SGCZ: variants seen among roughly 807,000 people sequenced by gnomAD.
SGCZ encodes zeta-sarcoglycan.
Under a neutral mutation model 41.3 loss-of-function variants are expected in SGCZ, and 40 were observed. The observed-to-expected ratio is 0.97, with a 90% CI of 0.75 to 1.26. SGCZ has a LOEUF of 1.26. Among genes scored for constraint, SGCZ ranks in the 50% most tolerant of loss-of-function variants. The pLI is 0.00. For missense variants in SGCZ, 552 were observed against 369.8 expected (o/e 1.49, Z -4.04); for synonymous variants, 206 against 137.5 (o/e 1.50, Z -3.49).
intron 3 of SGCZ, among the ~76,000 whole-genome samples, chr8:14,308,079 T>C (rs1442921547): frequency 2.0e-5 from 3 of 152,084 alleles, no homozygotes; most frequent in African/African-American, 7.2e-5. Flanking sequence ...TAAAGATTAT[T>C]CATTTTGTCA....
At chr8:14,435,771 G>A (rs959023117) in intron 2 of SGCZ, among the ~76,000 whole-genome samples, 5 of 152,132 alleles carry the variant, frequency 3.3e-5, no homozygotes, top group Admixed American at 6.5e-5. Context: ...CTGCAAATAC[G>A]TGAACTTGTT....
At chr8:14,795,232 T>C (rs1801085271) in intron 1 of SGCZ, among the ~76,000 whole-genome samples, 1 of 152,198 alleles carries the variant, frequency 6.6e-6, no homozygotes, top group South Asian at 2.1e-4. Context: ...GACTAAAGCA[T>C]ACATATGTAT....
chr8:15,126,085 G>T (rs1807670346), intron 1 of SGCZ, among the ~76,000 whole-genome samples: 1 of 152,214 alleles, frequency 6.6e-6, no homozygotes, highest in African/African-American at 2.4e-5. Context: ...GGCGGAGGCT[G>T]CAGTGAGCCA....
chr8:14,562,489 A>C (rs1250725716), intron 1 of SGCZ, among the ~76,000 whole-genome samples: 4 of 152,198 alleles, frequency 2.6e-5, no homozygotes, highest in Non-Finnish European at 4.4e-5. Context: ...AATTAGTGAT[A>C]GATATTACAA....
At chr8:15,009,523 G>A (rs760356118) in intron 1 of SGCZ, among the ~76,000 whole-genome samples, 27 of 152,254 alleles carry the variant, frequency 1.8e-4, no homozygotes, top group Non-Finnish European at 3.4e-4. Context: ...TCTCATTATA[G>A]AATGAGGAAA....
chr8:14,574,569 C>G (rs1044790671), intron 1 of SGCZ, among the ~76,000 whole-genome samples: 25 of 152,188 alleles, frequency 1.6e-4, no homozygotes, highest in African/African-American at 5.8e-4. Context: ...CTGTTGCCAT[C>G]AGCTCAAACC....
intron 1 of SGCZ, among the ~76,000 whole-genome samples, chr8:14,901,465 A>G (rs1798966558): frequency 6.6e-6 from 1 of 152,152 alleles, no homozygotes; most frequent in Non-Finnish European, 1.5e-5. Context: ...TTTTCCTTTC[A>G]CAGTACAGCA....
At chr8:14,142,787 G>T (rs1250716106) in intron 5 of SGCZ, among the ~76,000 whole-genome samples, 1 of 152,054 alleles carries the variant, frequency 6.6e-6, no homozygotes, top group Non-Finnish European at 1.5e-5. Flanking sequence ...CATCCCTGTT[G>T]TGAGTTCTTG....
At chr8:14,838,759 T>G (rs1802793873) in intron 1 of SGCZ, among the ~76,000 whole-genome samples, 3 of 152,184 alleles carry the variant, frequency 2.0e-5, no homozygotes, top group Non-Finnish European at 4.4e-5. Flanking sequence ...CTTTGTTTTC[T>G]TGTGCCTCCC....
At chr8:14,156,164 A>G (rs145501790) in intron 5 of SGCZ, among the ~76,000 whole-genome samples, 1 of 152,216 alleles carries the variant, frequency 6.6e-6, no homozygotes, top group Non-Finnish European at 1.5e-5. Flanking sequence ...GGCGACGCTG[A>G]ATTTATTTAA....
rs1801648452 is a variant in SGCZ, at chr8:14,090,356, G to C, written c.*87C>G. The C allele has an allele frequency of 7.0e-7, 1 of 1,430,068 alleles. No individual in the cohort carries two copies. Among genetic ancestry groups the C allele is most frequent in the Non-Finnish European group, 9.5e-7 (1 of 1,054,878 alleles). The allele number at this position is 1,430,068 out of a possible 1,614,324, so 88.6% of individuals were successfully genotyped here. A position where few individuals can be genotyped will look rare whatever the true frequency, so the allele number is the denominator to read the frequency against. On this transcript the variant is annotated 3_prime_UTR_variant, in exon 8 of 8. Coordinates refer to ENST00000382080, the MANE Select transcript of SGCZ (RefSeq NM_139167.4). ...CTGTGGACCATTCGAAGAAGCTCTG[G>C]ACTGATCACAAGGGAAACCGAGCAG...
chr8:14,099,493 G>A (rs1474738609), intron 7 of SGCZ, among the ~76,000 whole-genome samples: 2 of 152,154 alleles, frequency 1.3e-5, no homozygotes, highest in African/African-American at 2.4e-5. Context: ...TTGGGAGGCT[G>A]AGGCGGGAGG....
intron 1 of SGCZ, among the ~76,000 whole-genome samples, chr8:14,791,799 A>C (rs914244684): frequency 6.6e-6 from 1 of 152,212 alleles, no homozygotes; most frequent in Non-Finnish European, 1.5e-5. Context: ...CTGAATCATC[A>C]GTAAATTAAA....
At chr8:14,993,891 A>G (rs1235399109) in intron 1 of SGCZ, among the ~76,000 whole-genome samples, 3 of 152,208 alleles carry the variant, frequency 2.0e-5, no homozygotes, top group Admixed American at 2.0e-4. Context: ...ATAAAGCGTC[A>G]TATGACTTTG....
intron 1 of SGCZ, among the ~76,000 whole-genome samples, chr8:15,002,471 G>A (rs893203245): frequency 3.9e-5 from 6 of 152,196 alleles, no homozygotes; most frequent in African/African-American, 1.4e-4. Flanking sequence ...ACACATTTCT[G>A]GGAATGTGTG....
At position 14,376,398 on chromosome 8, in the gene SGCZ, T is replaced by C. The variant is rs768068; in HGVS notation, c.235-52194A>G. On this transcript the variant is annotated intron_variant, in intron 2 of 7. Transcript: ENST00000382080. ...ACAACACAAACATACAAAATGACTT[T>C]ATTTTGAACACTGTATGCAGAGAGA... Among the ~76,000 whole-genome samples, 1,410 of 152,288 alleles carry C rather than the reference T, an allele frequency of 9.3e-3. 27 individuals carry two copies. The highest frequency in any genetic ancestry group is 0.032 in the African/African-American group (1,324 of 41,566).
At chr8:14,311,676 T>C (rs1020679192) in intron 3 of SGCZ, among the ~76,000 whole-genome samples, 13 of 152,172 alleles carry the variant, frequency 8.5e-5, no homozygotes, top group Non-Finnish European at 1.3e-4. Context: ...CTCTTACATA[T>C]GCAAAGCATT....
intron 1 of SGCZ, among the ~76,000 whole-genome samples, chr8:14,967,998 G>T (rs1801175697): frequency 6.6e-6 from 1 of 152,094 alleles, no homozygotes; most frequent in African/African-American, 2.4e-5. Flanking sequence ...AATGGGCAAT[G>T]CAATAAAAAC....
At chr8:15,089,832 G>A (rs184009033) in intron 1 of SGCZ, among the ~76,000 whole-genome samples, 1 of 152,160 alleles carries the variant, frequency 6.6e-6, no homozygotes, top group Non-Finnish European at 1.5e-5. Context: ...TCAAAATAGA[G>A]TGATGTGGTC....
Sources: allele counts gnomAD v4.1 joint callset (sites outside exome capture counted in the v4.1 genomes callset), GRCh38; gene constraint gnomAD v4.1.1; transcripts MANE v1.5; gene names NCBI Gene and HGNC (gene_info 2026-07-23, HGNC 2026-07-21).